The following ADGRE5 variants were observed in gnomAD, a reference collection of about 807,000 sequenced individuals.
ADGRE5 encodes the protein CD97 molecule.
Under a neutral mutation model 100.3 loss-of-function variants are expected in ADGRE5, and 72 were observed. The ratio of observed to expected loss-of-function variants is 0.72; its 90% CI spans 0.59 to 0.87. The LOEUF is 0.87. Ranked by LOEUF, ADGRE5 falls within the 40% of genes least tolerant of loss-of-function variation. The pLI, the probability that ADGRE5 is intolerant of heterozygous loss-of-function variation, is 0.00. For synonymous variants in ADGRE5, 439 were observed against 447.8 expected (o/e 0.98, Z 0.25); for missense variants, 959 against 1,094.7 (o/e 0.88, Z 1.75).
At position 14,406,033 on chromosome 19, in the gene ADGRE5, G is replaced by T; in HGVS notation, c.1821+94G>T. The stretch of plus-strand genomic sequence containing the variant: ...ACTCCCGGGGCTCAGTCGGGTAGGC[G>T]GGCCCTGGAGGCATGAGGCCCCGCC... On this transcript the variant is annotated intron_variant, in intron 14 of 19. Transcript: ENST00000242786. This position sits in a 1 kb window ranked among gnomAD's most constrained non-coding sequence, Gnocchi z 6.0. 1 of 1,120,548 alleles carries T rather than the reference G, an allele frequency of 8.9e-7. No individual in the cohort carries two copies. Among genetic ancestry groups the T allele is most frequent in the Non-Finnish European group, 1.2e-6 (1 of 806,720 alleles). 69.4% of individuals were successfully genotyped at this position (1,120,548 alleles called of 1,614,324 possible).
intron 1 of ADGRE5, among the ~76,000 whole-genome samples, chr19:14,386,693 CAAAAA>C (rs1172800346): frequency 7.1e-5 from 4 of 56,556 alleles, no homozygotes; most frequent in African/African-American, 6.9e-5. Context: ...GACTCCGTCT[CAAAAA>C]AAAAAAAAAA....
chr19:14,383,244 C>G (rs1238581265), intron 1 of ADGRE5, among the ~76,000 whole-genome samples: 1 of 150,500 alleles, frequency 6.6e-6, no homozygotes, highest in African/African-American at 2.4e-5. Flanking sequence ...GTGGCTCACA[C>G]CTGTAATCCC....
Position 14,407,206 on chromosome 19 carries a change from C to T in ADGRE5, c.2353C>T (p.Leu785=). The change falls in exon 18 of 20, where the codon CTG becomes TTG. Residue 785 remains leucine, a synonymous_variant. Coordinates refer to ENST00000242786, the MANE Select transcript of ADGRE5 (RefSeq NM_078481.4). The part of the protein sequence containing the change: ...NCLQGAFLYL[L]HCLLNKKVRE... Reference sequence around the variant, plus strand: ...CCTGCAGGGCGCCTTCCTCTACCTGCTGCACTGCCTGCTCAACAAGAAGGT... The same window carrying T: ...CCTGCAGGGCGCCTTCCTCTACCTGTTGCACTGCCTGCTCAACAAGAAGGT... 1 of 1,614,018 alleles carries T rather than the reference C, an allele frequency of 6.2e-7. No individual in the cohort carries two copies.
chr19:14,397,289 C>A, intron 6 of ADGRE5, 66 bp downstream of exon 6: 1 of 1,607,524 alleles, frequency 6.2e-7, no homozygotes, highest in South Asian at 1.1e-5. Context: ...CAACGGCGCC[C>A]ACACAAACCA....
Position 14,407,171 on chromosome 19 carries a change from T to C in ADGRE5, c.2318T>C (p.Ile773Thr). The change falls in exon 18 of 20, where the codon ATC becomes ACC. Residue 773 changes from isoleucine (I) to threonine (T), a missense_variant. Around this residue, in one of 6 missense-constraint regions of ADGRE5, gnomAD observed 428 missense variants for 386.2 expected, o/e 1.11. Transcript: ENST00000242786. ...TTGGTGCTGACCTATGTGTTTACCA[T>C]CCTCAACTGCCTGCAGGGCGCCTTC... is the stretch of plus-strand genomic sequence containing the variant. Reference protein sequence around the residue: ...RSLVLTYVFTILNCLQGAFLY... With the variant: ...RSLVLTYVFTTLNCLQGAFLY... The C allele has an allele frequency of 1.9e-6, 3 of 1,614,134 alleles. No individual in the cohort carries two copies. Among genetic ancestry groups the C allele is most frequent in the Non-Finnish European group, 2.5e-6 (3 of 1,180,032 alleles).
At chr19:14,391,251 T>C in intron 4 of ADGRE5, 172 bp downstream of exon 4, 1 of 822,244 alleles carries the variant, frequency 1.2e-6, no homozygotes, top group Non-Finnish European at 1.9e-6. Context: ...CAGAGTGATG[T>C]GAGGATTAAG....
chr19:14,394,970 G>A (rs1409733260), intron 4 of ADGRE5, among the ~76,000 whole-genome samples: 1 of 152,170 alleles, frequency 6.6e-6, no homozygotes, highest in African/African-American at 2.4e-5. Context: ...GGAGGATGCT[G>A]TGGCCAGGTG....
At chr19:14,399,519 C>G (rs866545346) in intron 9 of ADGRE5, among the ~76,000 whole-genome samples, 32 of 146,286 alleles carry the variant, frequency 2.2e-4, no homozygotes, top group African/African-American at 7.6e-4. Flanking sequence ...AGCCGAGATC[C>G]CGCCACTGCA....
At chr19:14,396,596 GC>G (rs2146361570) in intron 5 of ADGRE5, 123 bp downstream of exon 5, 1 of 1,449,968 alleles carries the variant, frequency 6.9e-7, no homozygotes, top group East Asian at 2.3e-5. Context: ...TCAAGGACCT[GC>G]TAAGCCCCTG....
intron 1 of ADGRE5, among the ~76,000 whole-genome samples, chr19:14,384,899 A>T (rs1599607884): frequency 7.2e-6 from 1 of 139,416 alleles, no homozygotes; most frequent in Non-Finnish European, 1.5e-5. Context: ...CTCTCTCTCC[A>T]GCTTGTCTCC....
chr19:14,399,867 T>C (rs982244587), intron 9 of ADGRE5, among the ~76,000 whole-genome samples: 2 of 152,120 alleles, frequency 1.3e-5, no homozygotes, highest in African/African-American at 2.4e-5. Flanking sequence ...AGAGATACGG[T>C]CTTGTTTTGT....
rs1349530474 is a variant in ADGRE5, at chr19:14,396,268, A to C, written c.347-74A>C. The C allele has an allele frequency of 1.4e-5, 22 of 1,612,782 alleles. No homozygotes were observed. The Admixed American group carries it at 3.2e-4, about 23-fold the overall frequency. On this transcript the variant is annotated intron_variant, in intron 4 of 19. Coordinates refer to ENST00000242786, the MANE Select transcript of ADGRE5 (RefSeq NM_078481.4). ...GCCTTCCAGATGCTTCCGTGCCAGGAAACATGGCGGACCCTCAGCCCTGAA... is the reference window on the plus strand; with the variant it reads ...GCCTTCCAGATGCTTCCGTGCCAGGCAACATGGCGGACCCTCAGCCCTGAA...
intron 12 of ADGRE5, among the ~76,000 whole-genome samples, chr19:14,403,267 C>T (rs1419749919): frequency 6.6e-6 from 1 of 152,022 alleles, no homozygotes; most frequent in Non-Finnish European, 1.5e-5. Context: ...GTCTCAAACT[C>T]CCGACCTCAG....
At chr19:14,398,896 C>T (rs1975896230) in intron 9 of ADGRE5, among the ~76,000 whole-genome samples, 1 of 151,048 alleles carries the variant, frequency 6.6e-6, no homozygotes, top group African/African-American at 2.4e-5. Flanking sequence ...TTCTGGAGGG[C>T]TGTGACATGA....
rs1258133172 is a variant in ADGRE5 at position 14,401,570 on chromosome 19, C to T, written c.1075+7C>T. ...ATTTCCCCTTCGAACACAGGTGAGG[C>T]CTTGGCCTGGCCTGCCCTGCCCCAA... On this transcript the variant is annotated splice_region_variant and intron_variant, in intron 10 of 19. Coordinates refer to ENST00000242786, the MANE Select transcript of ADGRE5 (RefSeq NM_078481.4). The surrounding 1 kb of genome is among the most constrained non-coding windows in gnomAD (Gnocchi z 4.1). 1 of 1,613,478 alleles carries T rather than the reference C, an allele frequency of 6.2e-7. No individual in the cohort carries two copies. The highest frequency in any genetic ancestry group is 1.3e-5 in the African/African-American group (1 of 74,918).
At chr19:14,397,049 G>C in intron 5 of ADGRE5, 28 bp from the exon 6 acceptor site, 1 of 1,598,036 alleles carries the variant, frequency 6.3e-7, no homozygotes, top group Non-Finnish European at 8.5e-7. Flanking sequence ...GTCAGGGACA[G>C]GGTTTGACCC....
Position 14,401,478 on chromosome 19 carries a change from G to A in ADGRE5, c.990G>A (p.Leu330=), listed in dbSNP as rs781734469. Residue 330 remains leucine, a synonymous_variant, in exon 10 of 20, where the codon CTG becomes CTA. Coordinates refer to ENST00000242786, the MANE Select transcript of ADGRE5 (RefSeq NM_078481.4). This position sits in a 1 kb window ranked among gnomAD's most constrained non-coding sequence, Gnocchi z 4.1. The part of the protein sequence containing the change: ...PPVRHLIATQ[L]LSNLEDIMRI... The stretch of plus-strand genomic sequence containing the variant: ...TCCGGCACCTCATAGCCACCCAGCT[G>A]CTCTCAAACCTTGAAGATATCATGA... 2 of 1,614,150 alleles carry A rather than the reference G, an allele frequency of 1.2e-6. No individual in the cohort carries two copies. Among genetic ancestry groups the A allele is most frequent in the South Asian group, 1.1e-5 (1 of 91,084 alleles).
chr19:14,393,610 C>G (rs926249307), intron 4 of ADGRE5, among the ~76,000 whole-genome samples: 6 of 152,116 alleles, frequency 3.9e-5, no homozygotes, highest in Non-Finnish European at 5.9e-5. Flanking sequence ...TGATGAGACT[C>G]AAGACTACAG....
intron 9 of ADGRE5, among the ~76,000 whole-genome samples, chr19:14,398,598 C>T (rs1975879709): frequency 6.8e-6 from 1 of 146,426 alleles, no homozygotes. Flanking sequence ...TGACGTGAAC[C>T]TGGGAGGTGG....
Sources: allele counts gnomAD v4.1 joint callset (sites outside exome capture counted in the v4.1 genomes callset), GRCh38; gene constraint gnomAD v4.1.1; regional missense constraint gnomAD v4.1.1; non-coding constraint Gnocchi (gnomAD v3.1); transcripts MANE v1.5; gene names NCBI Gene and HGNC (gene_info 2026-07-23, HGNC 2026-07-21).